The following LINGO2 variants were observed in gnomAD, a reference collection of about 807,000 sequenced individuals.
The protein encoded by LINGO2 is leucine rich repeat and Ig domain containing 2.
Under a neutral mutation model 30.6 loss-of-function variants are expected in LINGO2, and 14 were observed. That is an observed-to-expected ratio of 0.46 (90% CI 0.30 to 0.72). The LOEUF is 0.72. Among genes scored for constraint, LINGO2 ranks in the 30% least tolerant of loss-of-function variants. LINGO2 has a pLI of 0.07. For missense variants in LINGO2, 729 were observed against 751.7 expected, an observed-to-expected ratio of 0.97 and a Z score of 0.35; for synonymous variants, 317 against 288.5, an observed-to-expected ratio of 1.10 and a Z score of -1.00.
the LINGO2 span, among the ~76,000 whole-genome samples, chr9:28,727,170 T>G: frequency 6.6e-6 from 1 of 152,176 alleles, no homozygotes; most frequent in Non-Finnish European, 1.5e-5. Context: ...ATATTAAAAT[T>G]AGACTCTTAA....
At chr9:28,695,750 A>T in the LINGO2 span, among the ~76,000 whole-genome samples, 1 of 67,818 alleles carries the variant, frequency 1.5e-5, no homozygotes. Flanking sequence ...CATTTCTGTT[A>T]AAAAAAAAAA....
the LINGO2 span, among the ~76,000 whole-genome samples, chr9:28,748,304 G>T: frequency 1.3e-5 from 2 of 151,860 alleles, no homozygotes; most frequent in Non-Finnish European, 1.5e-5. Flanking sequence ...CATTTGATTT[G>T]CACCATGTGT....
the LINGO2 span, among the ~76,000 whole-genome samples, chr9:28,839,855 G>C: frequency 6.6e-6 from 1 of 152,122 alleles, no homozygotes; most frequent in Non-Finnish European, 1.5e-5. Flanking sequence ...GGGGTGCATG[G>C]TGCCCTGGCT....
intron 3 of LINGO2, among the ~76,000 whole-genome samples, chr9:28,322,403 A>T (rs1392569518): frequency 6.6e-6 from 1 of 151,312 alleles, no homozygotes; most frequent in Non-Finnish European, 1.5e-5. Context: ...CCTCTTTTGC[A>T]TATTTGATAG....
At chr9:29,109,886 C>T in the LINGO2 span, among the ~76,000 whole-genome samples, 1 of 152,322 alleles carries the variant, frequency 6.6e-6, no homozygotes, top group South Asian at 2.1e-4. Flanking sequence ...CATAATCTTT[C>T]AGCAAATGGC....
chr9:28,004,652 A>G (rs1822169902), intron 5 of LINGO2, among the ~76,000 whole-genome samples: 1 of 152,142 alleles, frequency 6.6e-6, no homozygotes, highest in Non-Finnish European at 1.5e-5. Flanking sequence ...AGTTTGAAAC[A>G]TTCTCTGGCT....
intron 3 of LINGO2, among the ~76,000 whole-genome samples, chr9:28,356,494 C>T (rs1820214451): frequency 6.6e-6 from 1 of 152,148 alleles, no homozygotes; most frequent in Admixed American, 6.6e-5. Flanking sequence ...AAGGCACAAA[C>T]TCCAGGTCAA....
chr9:28,934,857 G>T, the LINGO2 span, among the ~76,000 whole-genome samples: 23 of 152,114 alleles, frequency 1.5e-4, no homozygotes, highest in South Asian at 4.8e-3. Context: ...GATTGCCTTG[G>T]TAATACAGCC....
chr9:28,803,194 T>C, the LINGO2 span, among the ~76,000 whole-genome samples: 4 of 152,076 alleles, frequency 2.6e-5, no homozygotes, highest in Non-Finnish European at 4.4e-5. Context: ...TTTATTTCAC[T>C]TAACTTCTAA....
chr9:28,354,179 T>G (rs975490395), intron 3 of LINGO2, among the ~76,000 whole-genome samples: 12 of 152,172 alleles, frequency 7.9e-5, no homozygotes, highest in Non-Finnish European at 1.3e-4. Flanking sequence ...TCACGTCATA[T>G]GAGTTCTGAT....
intron 4 of LINGO2, among the ~76,000 whole-genome samples, chr9:28,238,791 A>G (rs1381818958): frequency 6.9e-6 from 1 of 144,772 alleles, no homozygotes; most frequent in Non-Finnish European, 1.5e-5. Context: ...ACTAAAAATA[A>G]GAACAGAAAT....
chr9:29,089,241 GTAT>G, the LINGO2 span, among the ~76,000 whole-genome samples: 2 of 151,116 alleles, frequency 1.3e-5, no homozygotes, highest in Non-Finnish European at 3.0e-5. Flanking sequence ...TAGCAATATA[GTAT>G]TATTATTAGA....
intron 4 of LINGO2, among the ~76,000 whole-genome samples, chr9:28,234,377 A>T (rs958039457): frequency 1.3e-5 from 2 of 152,148 alleles, no homozygotes; most frequent in Admixed American, 6.5e-5. Context: ...AAGGGTGTGA[A>T]AAACTCAGTA....
chr9:28,013,998 A>AT (rs1822691892), intron 4 of LINGO2, among the ~76,000 whole-genome samples: 1 of 152,138 alleles, frequency 6.6e-6, no homozygotes, highest in Non-Finnish European at 1.5e-5. Flanking sequence ...ATGCTCTGGT[A>AT]TTTTTGCAGT....
chr9:28,167,147 C>T (rs796785100), intron 4 of LINGO2, among the ~76,000 whole-genome samples: 7 of 141,816 alleles, frequency 4.9e-5, no homozygotes, highest in Non-Finnish European at 7.7e-5. Flanking sequence ...GCACCCCCCC[C>T]CCCCACTTTT....
chr9:29,091,295 T>C, the LINGO2 span, among the ~76,000 whole-genome samples: 7 of 152,028 alleles, frequency 4.6e-5, no homozygotes, highest in Non-Finnish European at 8.8e-5. Context: ...TGGACCCCCA[T>C]GGAAACACTG....
chr9:28,149,028 A>G, intron 4 of LINGO2: 8 of 1,534,210 alleles, frequency 5.2e-6, no homozygotes, highest in Non-Finnish European at 7.0e-6. Context: ...GATAGAGACG[A>G]GGGGCCCCCA....
chr9:28,884,341 A>C, the LINGO2 span, among the ~76,000 whole-genome samples: 2 of 152,142 alleles, frequency 1.3e-5, no homozygotes, highest in Non-Finnish European at 2.9e-5. Context: ...GTCACATCAC[A>C]GATGTTGCTA....
chr9:28,355,296 T>C lies in LINGO2; in HGVS notation c.-246+17540A>G, dbSNP rs138284709. Among the ~76,000 whole-genome samples the C allele has an allele frequency of 1.6e-3, 35 of 22,140 alleles. No homozygotes were observed. The South Asian group carries it at 0.053, about 33-fold the overall frequency. The allele number at this position is 22,140 out of a possible 152,430, so 14.5% of individuals were successfully genotyped here. ...CTGTCTCTGTCTCTCTCTCTCTCTCTATGTCTCTCTCTCTCTCTCTCTCTC... is the reference window on the plus strand; with the variant it reads ...CTGTCTCTGTCTCTCTCTCTCTCTCCATGTCTCTCTCTCTCTCTCTCTCTC... On this transcript the variant is annotated intron_variant, in intron 3 of 5. Coordinates refer to ENST00000379992, the Ensembl canonical transcript of LINGO2.
Sources: allele counts gnomAD v4.1 joint callset (sites outside exome capture counted in the v4.1 genomes callset), GRCh38; gene constraint gnomAD v4.1.1; transcripts MANE v1.5; gene names NCBI Gene and HGNC (gene_info 2026-07-23, HGNC 2026-07-21).